TMEM178B: variants seen among roughly 807,000 people sequenced by gnomAD.
The protein encoded by TMEM178B is transmembrane protein 178B.
TMEM178B carries 5 observed loss-of-function variants against 31.0 expected under a neutral mutation model. The observed-to-expected ratio is 0.16, with a 90% CI of 0.08 to 0.34. TMEM178B has a LOEUF of 0.34. Among genes scored for constraint, TMEM178B ranks in the 10% least tolerant of loss-of-function variants. The pLI is 1.00. For synonymous variants in TMEM178B, 164 were observed against 164.0 expected (o/e 1.00, Z 0.00); for missense variants, 275 against 400.3 (o/e 0.69, Z 2.67).
chr7:141,394,218 G>A (rs185827059), intron 2 of TMEM178B, among the ~76,000 whole-genome samples: 3 of 152,166 alleles, frequency 2.0e-5, no homozygotes, highest in Admixed American at 6.5e-5. Flanking sequence ...GAAAGAATGC[G>A]TCACCTCCGT....
intron 2 of TMEM178B, among the ~76,000 whole-genome samples, chr7:141,311,425 C>G (rs1798908433): frequency 6.6e-6 from 1 of 152,038 alleles, no homozygotes; most frequent in African/African-American, 2.4e-5. Flanking sequence ...TTTATACTGG[C>G]TAATATGCTT....
At chr7:141,437,964 C>T (rs1563182651) in intron 3 of TMEM178B, among the ~76,000 whole-genome samples, 1 of 152,170 alleles carries the variant, frequency 6.6e-6, no homozygotes, top group African/African-American at 2.4e-5. Flanking sequence ...CGGTCCTCAC[C>T]TTTCGCTCAG....
intron 1 of TMEM178B, among the ~76,000 whole-genome samples, chr7:141,112,325 T>A (rs1795246862): frequency 6.6e-6 from 1 of 152,210 alleles, no homozygotes; most frequent in South Asian, 2.1e-4. Context: ...TGACCACGGC[T>A]CACTGTAGCC....
chr7:141,385,361 A>G (rs1800413219), intron 2 of TMEM178B, among the ~76,000 whole-genome samples: 1 of 152,188 alleles, frequency 6.6e-6, no homozygotes, highest in Non-Finnish European at 1.5e-5. Context: ...GGTCTGCTCT[A>G]GGGGCATTCT....
chr7:141,153,486 G>A (rs1186069214), intron 1 of TMEM178B, among the ~76,000 whole-genome samples: 1 of 152,144 alleles, frequency 6.6e-6, no homozygotes, highest in African/African-American at 2.4e-5. Flanking sequence ...TTCTATTAGT[G>A]CTATTTCTGC....
chr7:141,324,416 GTTTT>G (rs56316531), intron 2 of TMEM178B, among the ~76,000 whole-genome samples: 1 of 85,738 alleles, frequency 1.2e-5, no homozygotes, highest in African/African-American at 4.0e-5. Flanking sequence ...GGAGACCAGG[GTTTT>G]TTTTTTTTTT....
In TMEM178B at chr7:141,477,732, A is replaced by AT. The variant is rs1201584829; in HGVS notation, c.*6949dup. ...CAGTCCCCTTGTGTATTTTGCTGCT[A>AT]TTTCTAGAGAGACTTTGAGCCCTTG... is the stretch of plus-strand genomic sequence containing the variant. On this transcript the variant is annotated 3_prime_UTR_variant, in exon 4 of 4. Transcript: ENST00000565468. The AT allele has an allele frequency of 6.6e-6, 1 of 152,100 alleles. No homozygotes were observed. 9.4% of individuals were successfully genotyped at this position (152,100 alleles called of 1,614,324 possible).
intron 1 of TMEM178B, among the ~76,000 whole-genome samples, chr7:141,169,288 A>G (rs1796309028): frequency 6.6e-6 from 1 of 152,196 alleles, no homozygotes; most frequent in African/African-American, 2.4e-5. Flanking sequence ...AAGTGAGAAC[A>G]TGTGGTATTT....
At chr7:141,258,400 C>A (rs1027328983) in intron 2 of TMEM178B, among the ~76,000 whole-genome samples, 1 of 152,100 alleles carries the variant, frequency 6.6e-6, no homozygotes, top group Non-Finnish European at 1.5e-5. Context: ...TTGTTTTGGG[C>A]CACATTCAAA....
chr7:141,462,914 A>T (rs1030813975), intron 3 of TMEM178B, among the ~76,000 whole-genome samples: 1 of 151,970 alleles, frequency 6.6e-6, no homozygotes, highest in African/African-American at 2.4e-5. Context: ...TGATTCCTGA[A>T]AGAGCTTCAG....
At chr7:141,265,318 G>C (rs1798079470) in intron 2 of TMEM178B, among the ~76,000 whole-genome samples, 1 of 152,120 alleles carries the variant, frequency 6.6e-6, no homozygotes, top group African/African-American at 2.4e-5. Context: ...GATGGGGTGG[G>C]GTGGGAGAGG....
chr7:141,108,918 G>A (rs534215457), intron 1 of TMEM178B, among the ~76,000 whole-genome samples: 12 of 152,268 alleles, frequency 7.9e-5, no homozygotes, highest in African/African-American at 2.4e-4. Context: ...ACGTGGCTAG[G>A]GAGGCCTCAC....
intron 1 of TMEM178B, among the ~76,000 whole-genome samples, chr7:141,170,745 C>T (rs12113136): frequency 0.67 from 101,518 of 151,938 alleles, 34,319 homozygotes; most frequent in Middle Eastern, 0.72. Context: ...CAGACATAGC[C>T]GCTAACAGGG....
intron 3 of TMEM178B, among the ~76,000 whole-genome samples, chr7:141,468,334 A>G (rs979190727): frequency 1.3e-5 from 2 of 152,186 alleles, no homozygotes; most frequent in African/African-American, 4.8e-5. Context: ...CTCCAAAACT[A>G]CAAACTGCCC....
At chr7:141,420,536 A>G (rs1215147588) in intron 2 of TMEM178B, among the ~76,000 whole-genome samples, 2 of 152,186 alleles carry the variant, frequency 1.3e-5, no homozygotes, top group African/African-American at 4.8e-5. Context: ...ATAAGTCAAT[A>G]GAGCTGCAGA....
At chr7:141,339,706 G>A (rs545244983) in intron 2 of TMEM178B, among the ~76,000 whole-genome samples, 1 of 152,348 alleles carries the variant, frequency 6.6e-6, no homozygotes, top group South Asian at 2.1e-4. Flanking sequence ...GAAACCAGTC[G>A]TTGATGCTGT....
At position 141,318,621 on chromosome 7, in the gene TMEM178B, G is replaced by C. The variant is rs374766842; in HGVS notation, c.496+105917G>C. Among the ~76,000 whole-genome samples, 8 of 152,258 alleles carry C rather than the reference G, an allele frequency of 5.3e-5. No homozygotes were observed. The highest frequency in any genetic ancestry group is 1.9e-4 in the African/African-American group (8 of 41,538). On this transcript the variant is annotated intron_variant, in intron 2 of 3. Transcript: ENST00000565468. The surrounding 1 kb of genome is among the most constrained non-coding windows in gnomAD (Gnocchi z 4.1). ...TGCTGTGTTGCCCAGTTGTTTGATA[G>C]CTAAACCTATGCCACCCCTTCAGAA...
At chr7:141,085,628 C>T (rs987229584) in intron 1 of TMEM178B, among the ~76,000 whole-genome samples, 1 of 151,258 alleles carries the variant, frequency 6.6e-6, no homozygotes, top group Non-Finnish European at 1.5e-5. Flanking sequence ...CTCTGGAGTC[C>T]CTCTCATTCA....
In TMEM178B at chr7:141,193,185, C is replaced by T. The variant is rs140509090; in HGVS notation, c.383-19406C>T. ...GCTAAACCATCCCTGCTCTTGGCTG[C>T]GCTTTTGGGATCCTGAGTTCCCCTG... On this transcript the variant is annotated intron_variant, in intron 1 of 3. Coordinates refer to ENST00000565468, the MANE Select transcript of TMEM178B (RefSeq NM_001195278.2). Among the ~76,000 whole-genome samples, 428 of 152,318 alleles carry T rather than the reference C, an allele frequency of 2.8e-3. 3 individuals are homozygous for T. Among genetic ancestry groups the T allele is most frequent in the African/African-American group, 9.7e-3 (402 of 41,574 alleles).
Sources: allele counts gnomAD v4.1 joint callset (sites outside exome capture counted in the v4.1 genomes callset), GRCh38; gene constraint gnomAD v4.1.1; non-coding constraint Gnocchi (gnomAD v3.1); transcripts MANE v1.5; gene names NCBI Gene and HGNC (gene_info 2026-07-23, HGNC 2026-07-21).